Variants in GHRH observed in about 807,000 individuals in gnomAD.
GHRH encodes the protein growth hormone releasing hormone.
GHRH carries 7 observed loss-of-function variants against 15.6 expected under a neutral mutation model. That is an observed-to-expected ratio of 0.45 (90% CI 0.26 to 0.84). The LOEUF (loss-of-function observed/expected upper bound fraction) is 0.84, where lower values mean the gene tolerates loss of function less well. Among genes scored for constraint, GHRH ranks in the 40% least tolerant of loss-of-function variants. GHRH has a pLI of 0.18. For synonymous variants in GHRH, 54 were observed against 50.4 expected (o/e 1.07, Z -0.30); for missense variants, 117 against 138.0 (o/e 0.85, Z 0.76).
chr20:37,255,660 CAAAAAAAAA>C (rs61126074), intron 3 of GHRH, among the ~76,000 whole-genome samples: 2 of 14,710 alleles, frequency 1.4e-4, no homozygotes, highest in Admixed American at 1.8e-3. Context: ...GACTCCATCT[CAAAAAAAAA>C]AAAAAAAAAA....
chr20:37,256,901 G>A lies in GHRH; in HGVS notation c.-12C>T. 1 of 1,597,062 alleles carries A rather than the reference G, an allele frequency of 6.3e-7. No homozygotes were observed. Among genetic ancestry groups the A allele is most frequent in the Non-Finnish European group, 8.5e-7 (1 of 1,170,150 alleles). On this transcript the variant is annotated 5_prime_UTR_variant, in exon 2 of 5. Coordinates refer to ENST00000373614, the MANE Select transcript of GHRH (RefSeq NM_021081.6). ...ACCCAGAGTGGCATCCTTCACCCGGGGTGGCACCTGCAGAGTGACAGGAGG... is the reference window on the plus strand; with the variant it reads ...ACCCAGAGTGGCATCCTTCACCCGGAGTGGCACCTGCAGAGTGACAGGAGG...
At chr20:37,255,051 C>G (rs946720597) in intron 3 of GHRH, among the ~76,000 whole-genome samples, 1 of 152,134 alleles carries the variant, frequency 6.6e-6, no homozygotes, top group Non-Finnish European at 1.5e-5. Context: ...TTAGGAAACA[C>G]ATATAGAAGT....
At chr20:37,251,310 C>T (rs555959946) in intron 4 of GHRH, 79 bp from the exon 5 acceptor site, 16 of 1,175,206 alleles carry the variant, frequency 1.4e-5, no homozygotes, top group Middle Eastern at 2.0e-4. Context: ...ACCAGGGTGA[C>T]GGGTGCTCCC....
rs552579756 is a variant in GHRH at position 37,255,781 on chromosome 20, A to G, written c.188+613T>C. ...AAGGTGGCTCACAACTATAATCCCA[A>G]TGCTTTGGGAGGCCAAGGTGGGAGG... is the stretch of plus-strand genomic sequence containing the variant. On this transcript the variant is annotated intron_variant, in intron 3 of 4. Coordinates refer to ENST00000373614, the MANE Select transcript of GHRH (RefSeq NM_021081.6). Among the ~76,000 whole-genome samples the G allele has an allele frequency of 5.3e-5, 8 of 151,990 alleles. No individual in the cohort carries two copies. In the East Asian group the frequency reaches 1.4e-3, roughly 26 times the overall value.
intron 4 of GHRH, among the ~76,000 whole-genome samples, chr20:37,252,238 C>G (rs1301144770): frequency 6.6e-6 from 1 of 152,194 alleles, no homozygotes; most frequent in African/African-American, 2.4e-5. Flanking sequence ...CAGAAACAGG[C>G]CTGGGGCCCA....
At chr20:37,251,378 T>A in intron 4 of GHRH, 147 bp from the exon 5 acceptor site, 2 of 578,016 alleles carry the variant, frequency 3.5e-6, no homozygotes, top group Non-Finnish European at 3.0e-6. Flanking sequence ...GAGGGAAGGA[T>A]GCGCAAGCAT....
rs1042489565 is a variant in GHRH at position 37,258,799 on chromosome 20, G to T, written c.-19-1891C>A. 6.6e-6 allele frequency among the ~76,000 whole-genome samples: 1 copy of T among 152,124 alleles called. No homozygotes were observed. The highest frequency in any genetic ancestry group is 2.4e-5 in the African/African-American group (1 of 41,410). ...CTGTGGCCCAGGCTGAGGTGCAGTG[G>T]TGCAATCATAGCTCACTACAGCCTC... On this transcript the variant is annotated intron_variant, in intron 1 of 4. Coordinates refer to ENST00000373614, the MANE Select transcript of GHRH (RefSeq NM_021081.6). The surrounding 1 kb of genome is among the most constrained non-coding windows in gnomAD (Gnocchi z 4.1).
chr20:37,256,635 T>TGAGTCAGACA, intron 2 of GHRH, 137 bp from the exon 3 acceptor site: 2 of 728,296 alleles, frequency 2.7e-6, no homozygotes, highest in Admixed American at 2.6e-5. Context: ...CTCAGACCCC[T>TGAGTCAGACA]CTGAGTGACC....
chr20:37,252,299 G>A (rs772730819), intron 4 of GHRH, among the ~76,000 whole-genome samples: 2 of 152,172 alleles, frequency 1.3e-5, no homozygotes, highest in South Asian at 2.1e-4. Flanking sequence ...GTCATCTGCC[G>A]TAGGCCTGGT....
At chr20:37,256,600 T>C in intron 2 of GHRH, 102 bp from the exon 3 acceptor site, 1 of 776,340 alleles carries the variant, frequency 1.3e-6, no homozygotes, top group East Asian at 2.6e-5. Flanking sequence ...TCTGTTGCCA[T>C]CTGTCCCACT....
chr20:37,253,788 T>C (rs2068637148), intron 4 of GHRH, among the ~76,000 whole-genome samples: 2 of 152,138 alleles, frequency 1.3e-5, no homozygotes, highest in South Asian at 4.1e-4. Context: ...TCTTGCTCTG[T>C]CACCCAGGCT....
At chr20:37,260,307 A>G (rs2068680948) in intron 1 of GHRH, among the ~76,000 whole-genome samples, 2 of 152,088 alleles carry the variant, frequency 1.3e-5, no homozygotes, top group South Asian at 4.1e-4. Context: ...AACAAGAATT[A>G]TCCAGTGTAG....
At chr20:37,251,339 T>C in intron 4 of GHRH, 108 bp from the exon 5 acceptor site, 1 of 853,804 alleles carries the variant, frequency 1.2e-6, no homozygotes, top group African/African-American at 1.7e-5. Context: ...AGCTGGCCTT[T>C]TGGATTCCAA....
At chr20:37,260,839 C>A (rs951148308) in intron 1 of GHRH, among the ~76,000 whole-genome samples, 4 of 152,182 alleles carry the variant, frequency 2.6e-5, no homozygotes, top group African/African-American at 7.2e-5. Context: ...TCCGTTGGCA[C>A]CTTTTGCCAG....
chr20:37,255,950 C>T (rs2068653357), intron 3 of GHRH, among the ~76,000 whole-genome samples: 1 of 152,006 alleles, frequency 6.6e-6, no homozygotes. Context: ...CGCTTGAGTC[C>T]AGGCATTTGA....
At chr20:37,252,399 A>G (rs2068626455) in intron 4 of GHRH, among the ~76,000 whole-genome samples, 2 of 152,122 alleles carry the variant, frequency 1.3e-5, no homozygotes, top group African/African-American at 2.4e-5. Flanking sequence ...TCTGCTGGGA[A>G]CTGGATTTGC....
At chr20:37,261,472 A>C (rs1172112270) in intron 1 of GHRH, among the ~76,000 whole-genome samples, 1 of 152,160 alleles carries the variant, frequency 6.6e-6, no homozygotes, top group Admixed American at 6.5e-5. Flanking sequence ...TCCTCGAAGG[A>C]GCACTGAGAC....
intron 4 of GHRH, among the ~76,000 whole-genome samples, chr20:37,253,544 A>G (rs1446253483): frequency 6.6e-6 from 1 of 152,202 alleles, no homozygotes; most frequent in African/African-American, 2.4e-5. Flanking sequence ...GCCATGGATA[A>G]GATGCGGTCT....
rs1600871130 is a variant in GHRH, at chr20:37,254,232, C to T, written c.286G>A (p.Val96Met). 6.2e-7 allele frequency: 1 copy of T among 1,614,178 alleles called. No homozygotes were observed. Reference protein sequence around the residue: ...QKQMELESILVALLQKHSRNS... With the variant: ...QKQMELESILMALLQKHSRNS... Reference sequence around the variant, plus strand: ...TACCTGTGCTTCTGCAGCAGGGCCACCAGGATGCTCTCCAATTCCATTTGC... The same window carrying T: ...TACCTGTGCTTCTGCAGCAGGGCCATCAGGATGCTCTCCAATTCCATTTGC... Residue 96 changes from valine to methionine, a missense_variant, in exon 4 of 5, where the codon GTG becomes ATG. By Grantham distance (21) the Val-to-Met change is conservative (BLOSUM62 1). Coordinates refer to ENST00000373614, the MANE Select transcript of GHRH (RefSeq NM_021081.6).
Sources: allele counts gnomAD v4.1 joint callset (sites outside exome capture counted in the v4.1 genomes callset), GRCh38; gene constraint gnomAD v4.1.1; non-coding constraint Gnocchi (gnomAD v3.1); transcripts MANE v1.5; gene names NCBI Gene and HGNC (gene_info 2026-07-23, HGNC 2026-07-21).